The following TTLL7 variants were observed in gnomAD, a reference collection of about 807,000 sequenced individuals.
TTLL7 encodes tubulin tyrosine ligase like 7.
A neutral mutation model predicts 120.2 loss-of-function variants in TTLL7; 53 were observed. The ratio of observed to expected loss-of-function variants is 0.44; its 90% confidence interval spans 0.35 to 0.55. The LOEUF (loss-of-function observed/expected upper bound fraction) is 0.55. Ranked by LOEUF, TTLL7 falls within the 20% of genes least tolerant of loss-of-function variation. The pLI, the probability that TTLL7 is intolerant of heterozygous loss-of-function variation, is 0.00. For missense variants in TTLL7, 803 were observed against 1,054.7 expected (o/e 0.76, Z 3.31); for synonymous variants, 353 against 351.7 (o/e 1.00, Z -0.04).
At chr1:83,886,282 G>A (rs1325632372) in intron 19 of TTLL7, among the ~76,000 whole-genome samples, 1 of 151,990 alleles carries the variant, frequency 6.6e-6, no homozygotes, top group Middle Eastern at 3.2e-3. Context: ...GCAGAAAGGA[G>A]AAAGGAAAAG....
At chr1:83,969,636 G>A (rs1207036550) in intron 1 of TTLL7, among the ~76,000 whole-genome samples, 1 of 151,876 alleles carries the variant, frequency 6.6e-6, no homozygotes, top group Admixed American at 6.6e-5. Flanking sequence ...ATTCCACTTA[G>A]GAATCAATCC....
intron 1 of TTLL7, among the ~76,000 whole-genome samples, chr1:83,997,349 CA>C (rs1240601945): frequency 3.3e-5 from 5 of 152,162 alleles, no homozygotes; most frequent in African/African-American, 1.2e-4. Flanking sequence ...CTAATGAAAG[CA>C]AGTCAAAGGA....
rs58157608 is a variant in TTLL7 at position 83,897,865 on chromosome 1, TAA to T, written c.2208+6212_2208+6213del. Among the ~76,000 whole-genome samples the T allele has an allele frequency of 7.0e-4, 89 of 127,330 alleles. 1 individual carries two copies. Among genetic ancestry groups the T allele is most frequent in the Admixed American group, 1.2e-3 (14 of 11,980 alleles). 83.5% of individuals were successfully genotyped at this position (127,330 alleles called of 152,430 possible). On this transcript the variant is annotated intron_variant, in intron 18 of 20. Coordinates refer to ENST00000260505, the MANE Select transcript of TTLL7 (RefSeq NM_024686.6). ...ATTATCTTCCTTGGGTGTTTTCCAT[TAA>T]AAAAAAAAAAAAAAAAAACTTTCAC...
At chr1:83,971,116 T>C (rs1301945640) in intron 1 of TTLL7, among the ~76,000 whole-genome samples, 1 of 152,010 alleles carries the variant, frequency 6.6e-6, no homozygotes, top group East Asian at 1.9e-4. Context: ...TAACACACAG[T>C]TGGAAACACA....
Position 83,929,166 on chromosome 1 carries a change from AG to A in TTLL7, c.1111del (p.Leu371CysfsTer2). ...KIDYDVKRGVLLNALKLLNIR... is the reference protein window; with the variant it reads ...KIDYDVKRGVXLNALKLLNIR... ...GTTTAGTAGCTTCAACGCATTTAGCAGCACTCCCCTTTTTACATCATAGTCT... is the reference window on the plus strand; with the variant it reads ...GTTTAGTAGCTTCAACGCATTTAGCACACTCCCCTTTTTACATCATAGTCT... On this transcript the variant is annotated frameshift_variant, in exon 10 of 21. Transcript: ENST00000260505. LOFTEE classifies it high-confidence loss of function. 6.2e-7 allele frequency: 1 copy of A among 1,612,638 alleles called. No homozygotes were observed. Among genetic ancestry groups the A allele is most frequent in the Non-Finnish European group, 8.5e-7 (1 of 1,179,064 alleles).
chr1:83,932,093 T>A (rs773925805), intron 9 of TTLL7, among the ~76,000 whole-genome samples: 18 of 152,172 alleles, frequency 1.2e-4, no homozygotes, highest in Admixed American at 2.6e-4. Context: ...TTTGAATCTT[T>A]TAAAATCCAG....
intron 14 of TTLL7, among the ~76,000 whole-genome samples, chr1:83,914,016 C>A (rs1226432314): frequency 6.6e-5 from 10 of 152,156 alleles, no homozygotes; most frequent in African/African-American, 2.4e-4. Flanking sequence ...TGCCATGACT[C>A]ATGCAAGTAT....
chr1:83,882,880 C>G, intron 20 of TTLL7, 83 bp downstream of exon 20: 1 of 1,501,386 alleles, frequency 6.7e-7, no homozygotes, highest in Non-Finnish European at 9.0e-7. Context: ...GTCACATAAA[C>G]AAAAAAACAC....
At chr1:83,883,286 A>G (rs896480931) in intron 19 of TTLL7, 150 bp from the exon 20 acceptor site, 8 of 548,112 alleles carry the variant, frequency 1.5e-5, no homozygotes, top group Non-Finnish European at 2.5e-5. Context: ...ATATATAATA[A>G]ATACAAATCA....
chr1:83,959,211 A>G (rs1208548128), intron 1 of TTLL7, among the ~76,000 whole-genome samples: 1 of 152,222 alleles, frequency 6.6e-6, no homozygotes, highest in Non-Finnish European at 1.5e-5. Context: ...TCAGAAATAT[A>G]GAGGTGAGGC....
intron 1 of TTLL7, among the ~76,000 whole-genome samples, chr1:83,972,930 T>C (rs972703132): frequency 3.9e-5 from 6 of 152,130 alleles, no homozygotes; most frequent in African/African-American, 1.2e-4. Flanking sequence ...TGTTTTCTTA[T>C]TGTTGAGTTT....
intron 1 of TTLL7, among the ~76,000 whole-genome samples, chr1:83,993,130 T>C (rs1653161098): frequency 6.6e-6 from 1 of 152,156 alleles, no homozygotes; most frequent in Non-Finnish European, 1.5e-5. Context: ...TAAGACCACA[T>C]CAATTAAAGA....
intron 8 of TTLL7, among the ~76,000 whole-genome samples, chr1:83,936,750 A>G (rs1647430453): frequency 1.9e-5 from 2 of 103,040 alleles, no homozygotes; most frequent in South Asian, 8.7e-4. Flanking sequence ...GTCCATTGCC[A>G]ACATTTAAAA....
At chr1:83,998,842 G>A (rs1452333175) in intron 1 of TTLL7, 89 bp downstream of exon 1, 3 of 326,270 alleles carry the variant, frequency 9.2e-6, no homozygotes, top group Non-Finnish European at 1.2e-5. Context: ...TCCGGGGATG[G>A]GGGCCCGGAA....
chr1:83,892,496 GAACATATGAA>G (rs1655685187), intron 18 of TTLL7, among the ~76,000 whole-genome samples: 1 of 100,824 alleles, frequency 9.9e-6, no homozygotes, highest in African/African-American at 3.6e-5. Flanking sequence ...ACATATATAT[GAACATATGAA>G]TGAACATATA....
chr1:83,988,960 G>A (rs1409037849), intron 1 of TTLL7, among the ~76,000 whole-genome samples: 1 of 152,064 alleles, frequency 6.6e-6, no homozygotes, highest in African/African-American at 2.4e-5. Context: ...CGCCCTCCTC[G>A]GCCCTCCAAA....
rs938339857 is a variant in TTLL7, at chr1:83,869,805, T to G, written c.*157A>C. ...CATATATCATTTAATATAATAAATATATGTTATTAGGGTGCATATGTGCAT... is the reference window on the plus strand; with the variant it reads ...CATATATCATTTAATATAATAAATAGATGTTATTAGGGTGCATATGTGCAT... On this transcript the variant is annotated 3_prime_UTR_variant, in exon 21 of 21. Transcript: ENST00000260505. The G allele has an allele frequency of 1.9e-6, 1 of 517,994 alleles. No individual in the cohort carries two copies. Among genetic ancestry groups the G allele is most frequent in the East Asian group, 4.1e-5 (1 of 24,472 alleles). 32.1% of individuals were successfully genotyped at this position (517,994 alleles called of 1,614,324 possible).
rs1648747446 is a variant in TTLL7, at chr1:83,948,748, T to G, written c.280-53A>C. 4.8e-6 allele frequency: 6 copies of G among 1,253,812 alleles called. No individual in the cohort carries two copies. The Admixed American group carries it at 1.1e-4, about 23-fold the overall frequency. 77.7% of individuals were successfully genotyped at this position (1,253,812 alleles called of 1,614,324 possible). A position where few individuals can be genotyped will look rare whatever the true frequency, so the allele number is the denominator to read the frequency against. On this transcript the variant is annotated intron_variant, in intron 4 of 20. Coordinates refer to ENST00000260505, the MANE Select transcript of TTLL7 (RefSeq NM_024686.6). The stretch of plus-strand genomic sequence containing the variant: ...ATTCTCAGCGAATTAATTATATTCA[T>G]GTATACGACAATACAATTCTATCCA...
intron 19 of TTLL7, chr1:83,887,106 T>C (rs77314261): frequency 0.031 from 14,641 of 467,450 alleles, 289 homozygotes; most frequent in Middle Eastern, 0.07. Context: ...TGGCCAACTC[T>C]AGGGAAACCT....
Sources: allele counts gnomAD v4.1 joint callset (sites outside exome capture counted in the v4.1 genomes callset), GRCh38; gene constraint gnomAD v4.1.1; transcripts MANE v1.5; gene names NCBI Gene and HGNC (gene_info 2026-07-23, HGNC 2026-07-21).